Variants in LAMA3 observed in about 807,000 individuals in gnomAD.
LAMA3 encodes laminin subunit alpha 3.
In LAMA3, 281 loss-of-function variants were observed where a neutral mutation model predicts 402.0. The ratio of observed to expected loss-of-function variants is 0.70; its 90% CI spans 0.63 to 0.77. The LOEUF is 0.77. LAMA3 is among the 30% of genes least tolerant of loss of function. The pLI is 0.00. For missense variants in LAMA3, 3,840 were observed against 4,215.5 expected (o/e 0.91, Z 2.47); for synonymous variants, 1,431 against 1,558.4 (o/e 0.92, Z 1.93).
In LAMA3 at chr18:23,939,250, C is replaced by G. The variant is rs1337177183; in HGVS notation, c.8890C>G (p.Pro2964Ala). 3 of 1,614,048 alleles carry G rather than the reference C, an allele frequency of 1.9e-6. No homozygotes were observed. The highest frequency in any genetic ancestry group is 2.5e-6 in the Non-Finnish European group (3 of 1,180,030). The change falls in exon 68 of 75, where the codon CCA (proline) becomes GCA (alanine). Residue 2964 changes from proline to alanine, a missense_variant. By Grantham distance (27) the Pro-to-Ala change is conservative. This residue lies in a region of LAMA3 where 840 missense variants were observed against 981.9 expected (regional missense o/e 0.86). Transcript: ENST00000313654. Reference protein sequence around the residue: ...QLLQDTPVASPRSVKVWQDAC... With the variant: ...QLLQDTPVASARSVKVWQDAC... Reference sequence around the variant, plus strand: ...GTTGCAGGACACACCAGTGGCCTCCCCAAGGAGCGTGAAGGTGTGGCAAGA... The same window carrying G: ...GTTGCAGGACACACCAGTGGCCTCCGCAAGGAGCGTGAAGGTGTGGCAAGA...
chr18:23,790,461 C>A (rs2062628333), intron 12 of LAMA3, among the ~76,000 whole-genome samples: 1 of 152,166 alleles, frequency 6.6e-6, no homozygotes, highest in African/African-American at 2.4e-5. Flanking sequence ...GTATTTTTTA[C>A]TGTGAACATG....
At chr18:23,696,266 T>A (rs1402784833) in intron 1 of LAMA3, among the ~76,000 whole-genome samples, 1 of 152,270 alleles carries the variant, frequency 6.6e-6, no homozygotes, top group Non-Finnish European at 1.5e-5. Flanking sequence ...TAGCATTTAC[T>A]GTATCTTTAA....
chr18:23,920,824 G>A, intron 60 of LAMA3, 111 bp from the exon 61 acceptor site: 2 of 1,296,598 alleles, frequency 1.5e-6, no homozygotes, highest in East Asian at 2.3e-5. Context: ...TTTCACTGAG[G>A]CAGCAGCTGA....
intron 1 of LAMA3, among the ~76,000 whole-genome samples, chr18:23,712,595 G>A (rs965602361): frequency 1.3e-5 from 2 of 149,560 alleles, no homozygotes; most frequent in African/African-American, 5.0e-5. Flanking sequence ...TACACCCAAG[G>A]CACTGCTTCT....
intron 69 of LAMA3, among the ~76,000 whole-genome samples, chr18:23,945,177 A>G (rs933682633): frequency 6.6e-6 from 1 of 152,222 alleles, no homozygotes; most frequent in South Asian, 2.1e-4. Context: ...GTACAGATTC[A>G]TATATTATTT....
At position 23,898,745 on chromosome 18, in the gene LAMA3, T is replaced by C. The variant is rs139348197; in HGVS notation, c.5621T>C (p.Leu1874Ser). The change falls in exon 45 of 75, where the codon TTG (leucine) becomes TCG (serine). Residue 1874 changes from leucine to serine, a missense_variant. Leu to Ser is a moderately radical substitution (Grantham distance 145, BLOSUM62 -2). Coordinates refer to ENST00000313654, the MANE Select transcript of LAMA3 (RefSeq NM_198129.4). ...ETQAKDLRNQ[L>S]LNYRSAISNH... ...TTTGTGTTTTGTTTCCAGAATCAGT[T>C]GCTCAACTACCGTTCTGCCATTTCA... The C allele has an allele frequency of 2.1e-4, 325 of 1,578,104 alleles. 1 individual carries two copies. The highest frequency in any genetic ancestry group is 2.6e-4 in the Non-Finnish European group (294 of 1,147,214).
intron 20 of LAMA3, 91 bp from the exon 21 acceptor site, chr18:23,824,332 G>T: frequency 7.4e-7 from 1 of 1,346,898 alleles, no homozygotes; most frequent in Non-Finnish European, 1.1e-6. Context: ...AACTTTTTGA[G>T]ATGTAAACTG....
intron 52 of LAMA3, among the ~76,000 whole-genome samples, chr18:23,906,793 T>C (rs1380256229): frequency 6.6e-6 from 1 of 152,226 alleles, no homozygotes; most frequent in Admixed American, 6.5e-5. Context: ...AAATTTGAGC[T>C]TCGAGGTAGG....
chr18:23,737,367 C>T (rs1025599969), intron 2 of LAMA3, among the ~76,000 whole-genome samples: 1 of 152,212 alleles, frequency 6.6e-6, no homozygotes, highest in Non-Finnish European at 1.5e-5. Flanking sequence ...TGGAATCCAC[C>T]CGCACTTCAC....
At chr18:23,690,113 C>T in intron 1 of LAMA3, 136 bp downstream of exon 1, 1 of 700,860 alleles carries the variant, frequency 1.4e-6, no homozygotes, top group South Asian at 2.4e-5. Context: ...CCCCCATCCC[C>T]GCGCGCGAGG....
chr18:23,905,660 G>A (rs1471205267), intron 52 of LAMA3, 36 bp downstream of exon 52: 2 of 1,282,322 alleles, frequency 1.6e-6, no homozygotes, highest in South Asian at 1.2e-5. Flanking sequence ...GGGATAGTCA[G>A]GAGCTTTAAA....
intron 6 of LAMA3, among the ~76,000 whole-genome samples, chr18:23,756,912 C>T (rs1446283224): frequency 6.7e-6 from 1 of 148,804 alleles, no homozygotes; most frequent in Non-Finnish European, 1.5e-5. Context: ...CCTCCCCGCT[C>T]CCCGTTCCCT....
At chr18:23,830,904 C>G (rs953419245) in intron 23 of LAMA3, among the ~76,000 whole-genome samples, 15 of 152,166 alleles carry the variant, frequency 9.9e-5, no homozygotes, top group Non-Finnish European at 1.0e-4. Context: ...CTGACATTAC[C>G]TCTTTGATGT....
chr18:23,893,544 C>T (rs970498371), intron 42 of LAMA3, among the ~76,000 whole-genome samples: 7 of 152,168 alleles, frequency 4.6e-5, no homozygotes, highest in Non-Finnish European at 1.0e-4. Context: ...CATCGCACCA[C>T]TGCAGTCCAA....
chr18:23,948,334 T>C (rs2082781505), intron 70 of LAMA3, among the ~76,000 whole-genome samples: 1 of 152,154 alleles, frequency 6.6e-6, no homozygotes. Context: ...CATATCCTTT[T>C]CAGGAGCAGG....
chr18:23,921,387 G>A, intron 61 of LAMA3, 65 bp from the exon 62 acceptor site: 1 of 1,545,106 alleles, frequency 6.5e-7, no homozygotes, highest in Non-Finnish European at 8.8e-7. Flanking sequence ...TGATAGTTCT[G>A]AACCCCTGTG....
At chr18:23,779,331 A>G (rs1400069107) in intron 11 of LAMA3, among the ~76,000 whole-genome samples, 2 of 152,234 alleles carry the variant, frequency 1.3e-5, no homozygotes. Flanking sequence ...AAGTTTTTCC[A>G]TAATCCATGA....
intron 12 of LAMA3, chr18:23,796,130 A>G (rs1245192804): frequency 4.7e-6 from 2 of 421,902 alleles, no homozygotes; most frequent in East Asian, 1.5e-4. Context: ...AACTGGAGAA[A>G]TAAATTTCTA....
intron 2 of LAMA3, 136 bp from the exon 3 acceptor site, chr18:23,747,803 TAGAC>T: frequency 1.4e-6 from 1 of 699,210 alleles, no homozygotes; most frequent in South Asian, 1.5e-5. Context: ...AGATGTCCAA[TAGAC>T]AGGAATCAGG....
Sources: allele counts gnomAD v4.1 joint callset (sites outside exome capture counted in the v4.1 genomes callset), GRCh38; gene constraint gnomAD v4.1.1; regional missense constraint gnomAD v4.1.1; transcripts MANE v1.5; gene names NCBI Gene and HGNC (gene_info 2026-07-23, HGNC 2026-07-21).